GFOD1: variants seen among roughly 807,000 people sequenced by gnomAD.
GFOD1 encodes Gfo/Idh/MocA-like oxidoreductase domain containing 1, also known as glucose-fructose oxidoreductase domain-containing protein 1.
Under a neutral mutation model 25.4 loss-of-function variants are expected in GFOD1, and 9 were observed. That is an observed-to-expected ratio of 0.35 (90% CI 0.21 to 0.62). The LOEUF is 0.62. GFOD1 is among the 20% of genes least tolerant of loss of function. The probability of loss-of-function intolerance (pLI) is 0.72; values close to 1 mark genes in which losing one functional copy is unlikely to be tolerated. For synonymous variants in GFOD1, 253 were observed against 245.6 expected (o/e 1.03, Z -0.28); for missense variants, 403 against 556.9 (o/e 0.72, Z 2.78).
chr6:13,464,666 A>G (rs1758349268), intron 1 of GFOD1, among the ~76,000 whole-genome samples: 1 of 152,240 alleles, frequency 6.6e-6, no homozygotes, highest in African/African-American at 2.4e-5. Flanking sequence ...TAAAGCAGAC[A>G]CCCTGTATAA....
At chr6:13,386,602 G>A (rs1473594026) in intron 1 of GFOD1, among the ~76,000 whole-genome samples, 2 of 152,178 alleles carry the variant, frequency 1.3e-5, no homozygotes, top group African/African-American at 2.4e-5. Context: ...GCTCCCCAAC[G>A]ATCCTCATTC....
chr6:13,474,738 C>T (rs996791444), intron 1 of GFOD1, among the ~76,000 whole-genome samples: 2 of 152,208 alleles, frequency 1.3e-5, no homozygotes, highest in African/African-American at 2.4e-5. Context: ...AAGAAACACT[C>T]TCCAGACACT....
chr6:13,399,754 C>T (rs920240805), intron 1 of GFOD1, among the ~76,000 whole-genome samples: 3 of 152,098 alleles, frequency 2.0e-5, no homozygotes, highest in African/African-American at 7.2e-5. Context: ...AGAGAATGCA[C>T]CAAAAAGTCA....
intron 1 of GFOD1, among the ~76,000 whole-genome samples, chr6:13,443,816 TAA>T (rs34976657): frequency 1.2e-4 from 14 of 112,106 alleles, no homozygotes; most frequent in South Asian, 3.2e-4. Flanking sequence ...GACTCAGTCT[TAA>T]AAAAAAAAAA....
At chr6:13,375,809 G>A (rs951043192) in intron 1 of GFOD1, among the ~76,000 whole-genome samples, 4 of 152,106 alleles carry the variant, frequency 2.6e-5, no homozygotes, top group African/African-American at 9.7e-5. Context: ...AGATTGCTTC[G>A]TGTGCATTTG....
chr6:13,407,339 A>G (rs1785964934), intron 1 of GFOD1, among the ~76,000 whole-genome samples: 1 of 152,206 alleles, frequency 6.6e-6, no homozygotes, highest in Admixed American at 6.5e-5. Flanking sequence ...TGGCTTTCAC[A>G]TTGAAAAGTC....
chr6:13,447,876 T>A (rs1758032176), intron 1 of GFOD1, among the ~76,000 whole-genome samples: 3 of 149,502 alleles, frequency 2.0e-5, no homozygotes, highest in South Asian at 2.1e-4. Flanking sequence ...GAGGTGAGGA[T>A]GAAAGAGGCA....
intron 1 of GFOD1, among the ~76,000 whole-genome samples, chr6:13,372,251 T>G (rs768440269): frequency 6.6e-6 from 1 of 152,230 alleles, no homozygotes; most frequent in Non-Finnish European, 1.5e-5. Context: ...TGCCTGATCT[T>G]CATCAGAAGC....
rs1554198475 is a variant in GFOD1, at chr6:13,363,238, T to TGTGTGTGTGTGTGC, written c.*1504_*1505insGCACACACACACAC. The TGTGTGTGTGTGTGC allele has an allele frequency of 1.3e-5, 2 of 151,566 alleles. No homozygotes were observed. The highest frequency in any genetic ancestry group is 4.9e-5 in the African/African-American group (2 of 41,174). 9.4% of individuals were successfully genotyped at this position (151,566 alleles called of 1,614,324 possible). ...GTGTGTGTGTGTGTGTGTGTGTGTGTGCACGTGCATGTGTGTGTGTGTCTG... is the reference window on the plus strand; with the variant it reads ...GTGTGTGTGTGTGTGTGTGTGTGTGTGTGTGTGTGTGTGCGCACGTGCATGTGTGTGTGTGTCTG... On this transcript the variant is annotated 3_prime_UTR_variant, in exon 2 of 2. Coordinates refer to ENST00000379287, the MANE Select transcript of GFOD1 (RefSeq NM_018988.4).
chr6:13,448,675 C>A (rs931731157), intron 1 of GFOD1, among the ~76,000 whole-genome samples: 1 of 152,220 alleles, frequency 6.6e-6, no homozygotes, highest in Non-Finnish European at 1.5e-5. Flanking sequence ...CTACTGCCTG[C>A]ATGTTGTTTG....
At chr6:13,457,774 C>G (rs993927177) in intron 1 of GFOD1, among the ~76,000 whole-genome samples, 4 of 152,220 alleles carry the variant, frequency 2.6e-5, no homozygotes, top group African/African-American at 9.6e-5. Context: ...CCTGTTCTTA[C>G]AAGAAAAATG....
intron 1 of GFOD1, among the ~76,000 whole-genome samples, chr6:13,409,016 T>G (rs1785997704): frequency 6.7e-6 from 1 of 149,112 alleles, no homozygotes; most frequent in African/African-American, 2.5e-5. Flanking sequence ...ACCAGGGAGG[T>G]GGAGGTTGCA....
At chr6:13,431,293 G>A (rs1757744275) in intron 1 of GFOD1, among the ~76,000 whole-genome samples, 2 of 152,186 alleles carry the variant, frequency 1.3e-5, no homozygotes, top group South Asian at 4.1e-4. Context: ...CCATTTTGCA[G>A]ATGAAGAAAC....
rs117675035 is a variant in GFOD1, at chr6:13,377,858, C to T, written c.254-12196G>A. On this transcript the variant is annotated intron_variant, in intron 1 of 1. Coordinates refer to ENST00000379287, the MANE Select transcript of GFOD1 (RefSeq NM_018988.4). ...AACTCTCTTTGTTTCTGAGTTCCTT[C>T]AGTAGTTTTTACTCCATCAAAAAGA... Among the ~76,000 whole-genome samples the T allele has an allele frequency of 4.0e-3, 602 of 152,288 alleles. 6 individuals carry two copies. The highest frequency in any genetic ancestry group is 0.037 in the East Asian group (191 of 5,182).
chr6:13,411,561 G>C (rs1195723077), intron 1 of GFOD1, among the ~76,000 whole-genome samples: 1 of 152,118 alleles, frequency 6.6e-6, no homozygotes, highest in South Asian at 2.1e-4. Context: ...CAAAATGCTG[G>C]AATTACAGGC....
At chr6:13,376,399 G>C (rs13192395) in intron 1 of GFOD1, among the ~76,000 whole-genome samples, 1 of 151,988 alleles carries the variant, frequency 6.6e-6, no homozygotes, top group Non-Finnish European at 1.5e-5. Flanking sequence ...GAGTGGCCTA[G>C]AACAGCCATT....
chr6:13,409,149 G>GAAAGAAAGAAAGAAAGAA lies in GFOD1; in HGVS notation c.254-43488_254-43487insTTCTTTCTTTCTTTCTTT, dbSNP rs369047514. The stretch of plus-strand genomic sequence containing the variant: ...AGAAAGAAAGAAAGAAAGAAAGAAA[G>GAAAGAAAGAAAGAAAGAA]AGAGGAAAGAAAGAAAGGAAAGAGA... On this transcript the variant is annotated intron_variant, in intron 1 of 1. Transcript: ENST00000379287. 1.4e-3 allele frequency among the ~76,000 whole-genome samples: 52 copies of GAAAGAAAGAAAGAAAGAA among 36,450 alleles called. 3 individuals are homozygous for GAAAGAAAGAAAGAAAGAA. Among genetic ancestry groups the GAAAGAAAGAAAGAAAGAA allele is most frequent in the South Asian group, 4.9e-3 (4 of 818 alleles). The allele number at this position is 36,450 out of a possible 152,430, so 23.9% of individuals were successfully genotyped here.
At chr6:13,445,207 G>A (rs1757983918) in intron 1 of GFOD1, among the ~76,000 whole-genome samples, 2 of 152,188 alleles carry the variant, frequency 1.3e-5, no homozygotes, top group South Asian at 4.1e-4. Context: ...TCGGCTGGCA[G>A]CCTTCCAAGC....
At chr6:13,481,755 A>G (rs1210977302) in intron 1 of GFOD1, among the ~76,000 whole-genome samples, 1 of 152,236 alleles carries the variant, frequency 6.6e-6, no homozygotes, top group Non-Finnish European at 1.5e-5. Flanking sequence ...AGAGGCAACA[A>G]GGAAATTAAC....
Sources: allele counts gnomAD v4.1 joint callset (sites outside exome capture counted in the v4.1 genomes callset), GRCh38; gene constraint gnomAD v4.1.1; transcripts MANE v1.5; gene names NCBI Gene and HGNC (gene_info 2026-07-23, HGNC 2026-07-21).